INPP5A: variants seen among roughly 807,000 people sequenced by gnomAD.
The protein encoded by INPP5A is inositol polyphosphate-5-phosphatase A, also known as 43 kDa inositol polyphosphate 5-phophatase.
In INPP5A, 14 loss-of-function variants were observed where a neutral mutation model predicts 65.2. The observed-to-expected ratio is 0.21, with a 90% CI of 0.14 to 0.34. The LOEUF is 0.34. INPP5A is among the 10% of genes least tolerant of loss of function. The pLI, the probability that INPP5A is intolerant of heterozygous loss-of-function variation, is 1.00. For missense variants in INPP5A, 431 were observed against 545.6 expected, an observed-to-expected ratio of 0.79 and a Z score of 2.09; for synonymous variants, 207 against 208.3, an observed-to-expected ratio of 0.99 and a Z score of 0.05.
Position 132,546,563 on chromosome 10 carries a change from G to A in INPP5A, c.75+8392G>A, listed in dbSNP as rs1447158408. On this transcript the variant is annotated intron_variant, in intron 1 of 15. Transcript: ENST00000368594. The surrounding 1 kb of genome is among the most constrained non-coding windows in gnomAD (Gnocchi z 5.7). ...TGCTCCCCCTTCTCTCTTGGAAGGT[G>A]TAAGGGCTTAGTAGGGCTGCCTCGG... Among the ~76,000 whole-genome samples the A allele has an allele frequency of 6.6e-6, 1 of 152,164 alleles. No individual in the cohort carries two copies. Among genetic ancestry groups the A allele is most frequent in the Non-Finnish European group, 1.5e-5 (1 of 68,018 alleles).
At chr10:132,620,511 C>A (rs1399820600) in intron 2 of INPP5A, among the ~76,000 whole-genome samples, 1 of 152,228 alleles carries the variant, frequency 6.6e-6, no homozygotes, top group Non-Finnish European at 1.5e-5. Context: ...CCTAAATCAT[C>A]ACTCTTTGCT....
rs1282797689 is a variant in INPP5A, at chr10:132,783,055, T to TTA, written c.*1027_*1028dup. Reference sequence around the variant, plus strand: ...TTAACATGGGCTGTATATAAAAATATTAAAGAGAAACAAAACTGTACATTT... The same window carrying TTA: ...TTAACATGGGCTGTATATAAAAATATTATAAAGAGAAACAAAACTGTACATTT... On this transcript the variant is annotated 3_prime_UTR_variant, in exon 16 of 16. Coordinates refer to ENST00000368594, the MANE Select transcript of INPP5A (RefSeq NM_005539.5). 6.6e-6 allele frequency: 1 copy of TTA among 152,434 alleles called. No individual in the cohort carries two copies. Among genetic ancestry groups the TTA allele is most frequent in the African/African-American group, 2.4e-5 (1 of 41,462 alleles). 9.4% of individuals were successfully genotyped at this position (152,434 alleles called of 1,614,324 possible).
intron 4 of INPP5A, among the ~76,000 whole-genome samples, chr10:132,672,807 C>T (rs1194428401): frequency 1.3e-5 from 2 of 152,204 alleles, no homozygotes; most frequent in Non-Finnish European, 2.9e-5. Flanking sequence ...CCCACGCCTT[C>T]CACGCCCCAC....
At chr10:132,716,260 A>AGCCTG in intron 8 of INPP5A, among the ~76,000 whole-genome samples, 1 of 152,318 alleles carries the variant, frequency 6.6e-6, no homozygotes, top group South Asian at 2.1e-4. Context: ...CCCCAGCATC[A>AGCCTG]GCCTGAATTC....
chr10:132,615,662 G>C (rs546876579), intron 2 of INPP5A, among the ~76,000 whole-genome samples: 1 of 152,318 alleles, frequency 6.6e-6, no homozygotes, highest in African/African-American at 2.4e-5. Context: ...TGAGGGCCCC[G>C]TCTTTGGGGT....
At chr10:132,738,400 C>T (rs1332458217) in intron 9 of INPP5A, among the ~76,000 whole-genome samples, 1 of 152,224 alleles carries the variant, frequency 6.6e-6, no homozygotes, top group Non-Finnish European at 1.5e-5. Context: ...TCCTGCGTCC[C>T]CCTCCCTTTG....
At chr10:132,684,040 A>G (rs111427840) in intron 4 of INPP5A, among the ~76,000 whole-genome samples, 3 of 152,242 alleles carry the variant, frequency 2.0e-5, no homozygotes, top group Non-Finnish European at 4.4e-5. Context: ...TATATGGTGA[A>G]TTATTATGTA....
chr10:132,634,572 T>A (rs771605733), intron 2 of INPP5A, among the ~76,000 whole-genome samples: 1 of 152,276 alleles, frequency 6.6e-6, no homozygotes, highest in Non-Finnish European at 1.5e-5. Context: ...TTGGTCTAGA[T>A]CCATTGAGTG....
intron 4 of INPP5A, among the ~76,000 whole-genome samples, chr10:132,668,528 G>C (rs763087544): frequency 2.2e-4 from 33 of 152,202 alleles, no homozygotes; most frequent in South Asian, 6.2e-4. Context: ...TGATTTTATA[G>C]TTCAGTAGGG....
At chr10:132,542,449 A>G (rs907458509) in intron 1 of INPP5A, among the ~76,000 whole-genome samples, 5 of 152,178 alleles carry the variant, frequency 3.3e-5, no homozygotes, top group African/African-American at 1.2e-4. Context: ...TAGCATCAGC[A>G]TTGCCTTCTT....
chr10:132,661,068 C>A (rs910302041), intron 4 of INPP5A, among the ~76,000 whole-genome samples: 3 of 152,182 alleles, frequency 2.0e-5, no homozygotes, highest in Non-Finnish European at 4.4e-5. Context: ...TGGAATGAGG[C>A]CTGCATCTCT....
chr10:132,579,250 C>CGCGGG (rs1434476793), intron 1 of INPP5A, among the ~76,000 whole-genome samples: 3 of 151,286 alleles, frequency 2.0e-5, no homozygotes, highest in African/African-American at 7.3e-5. Context: ...CGGAGGGGAC[C>CGCGGG]GCGGGGCGGG....
At chr10:132,619,655 C>T (rs1468713316) in intron 2 of INPP5A, among the ~76,000 whole-genome samples, 1 of 152,216 alleles carries the variant, frequency 6.6e-6, no homozygotes, top group African/African-American at 2.4e-5. Flanking sequence ...ACCCCTGCAG[C>T]AGGCTTTTGC....
At position 132,545,030 on chromosome 10, in the gene INPP5A, A is replaced by G. The variant is rs1054247093; in HGVS notation, c.75+6859A>G. 3.3e-5 allele frequency among the ~76,000 whole-genome samples: 5 copies of G among 152,168 alleles called. No individual in the cohort carries two copies. Among genetic ancestry groups the G allele is most frequent in the African/African-American group, 1.2e-4 (5 of 41,418 alleles). Reference sequence around the variant, plus strand: ...CGGGCAGTGTTGGGAGAATGTCTGCACGTAGGCGTGGTCACGTCCGTCCCT... The same window carrying G: ...CGGGCAGTGTTGGGAGAATGTCTGCGCGTAGGCGTGGTCACGTCCGTCCCT... On this transcript the variant is annotated intron_variant, in intron 1 of 15. Transcript: ENST00000368594. The surrounding 1 kb of genome is among the most constrained non-coding windows in gnomAD (Gnocchi z 4.6).
Position 132,678,331 on chromosome 10 carries a change from C to G in INPP5A, c.307-12061C>G, listed in dbSNP as rs531338845. On this transcript the variant is annotated intron_variant, in intron 4 of 15. Transcript: ENST00000368594. This position sits in a 1 kb window ranked among gnomAD's most constrained non-coding sequence, Gnocchi z 4.1. Reference sequence around the variant, plus strand: ...AGCGCTACATTGATTTAAACAAAAGCTTTGTTTCATTTATTATTGTTTATA... The same window carrying G: ...AGCGCTACATTGATTTAAACAAAAGGTTTGTTTCATTTATTATTGTTTATA... 6.6e-6 allele frequency among the ~76,000 whole-genome samples: 1 copy of G among 152,180 alleles called. No individual in the cohort carries two copies. Among genetic ancestry groups the G allele is most frequent in the Non-Finnish European group, 1.5e-5 (1 of 68,008 alleles).
intron 8 of INPP5A, among the ~76,000 whole-genome samples, chr10:132,719,411 A>G (rs370301210): frequency 0.033 from 2,393 of 73,368 alleles, 42 homozygotes; most frequent in South Asian, 0.07. Flanking sequence ...CTGTCTGGGC[A>G]CCTTAGACGG....
chr10:132,602,666 G>A (rs1417409808), intron 1 of INPP5A, among the ~76,000 whole-genome samples: 1 of 152,192 alleles, frequency 6.6e-6, no homozygotes, highest in African/African-American at 2.4e-5. Flanking sequence ...TGTGAACAGA[G>A]ATAATTTTAC....
intron 12 of INPP5A, among the ~76,000 whole-genome samples, chr10:132,771,062 C>G (rs1023788387): frequency 6.6e-6 from 1 of 152,232 alleles, no homozygotes; most frequent in Non-Finnish European, 1.5e-5. Context: ...GAGAAAATGC[C>G]TGTTAGCCAC....
rs149818209 is a variant in INPP5A at position 132,758,656 on chromosome 10, G to A, written c.904-7117G>A. On this transcript the variant is annotated intron_variant, in intron 11 of 15. Transcript: ENST00000368594. ...CCGACAGCACAGCACCATGGAATGG[G>A]TCCCCAGCTGACCCCAGCTCGGCTG... Among the ~76,000 whole-genome samples the A allele has an allele frequency of 2.1e-3, 319 of 152,356 alleles. 3 individuals carry two copies. Among genetic ancestry groups the A allele is most frequent in the African/African-American group, 6.3e-3 (260 of 41,596 alleles).
Sources: allele counts gnomAD v4.1 joint callset (sites outside exome capture counted in the v4.1 genomes callset), GRCh38; gene constraint gnomAD v4.1.1; non-coding constraint Gnocchi (gnomAD v3.1); transcripts MANE v1.5; gene names NCBI Gene and HGNC (gene_info 2026-07-23, HGNC 2026-07-21).